CLVS2: variants seen among roughly 807,000 people sequenced by gnomAD.
CLVS2 encodes the protein clavesin 2, also known as clavesin-2.
A neutral mutation model predicts 29.0 loss-of-function variants in CLVS2; 19 were observed. That is an observed-to-expected ratio of 0.66 (90% confidence interval 0.46 to 0.96). CLVS2 has a LOEUF of 0.96. Ranked by LOEUF, CLVS2 falls within the 40% of genes least tolerant of loss-of-function variation. The probability of loss-of-function intolerance (pLI) is 0.00; values close to 1 mark genes in which losing one functional copy is unlikely to be tolerated. For synonymous variants in CLVS2, 161 were observed against 151.3 expected (o/e 1.06, Z -0.47); for missense variants, 294 against 404.1 (o/e 0.73, Z 2.34).
chr6:123,007,526 A>G (rs1271393514), intron 2 of CLVS2, among the ~76,000 whole-genome samples: 1 of 152,190 alleles, frequency 6.6e-6, no homozygotes, highest in Non-Finnish European at 1.5e-5. Context: ...ATAACTGAAA[A>G]ATTTCAAGAG....
At chr6:123,033,323 TA>T (rs1325699649) in intron 3 of CLVS2, among the ~76,000 whole-genome samples, 1 of 152,056 alleles carries the variant, frequency 6.6e-6, no homozygotes, top group East Asian at 1.9e-4. Context: ...GCAGTAATAG[TA>T]TTAGAGAGAT....
intron 2 of CLVS2, among the ~76,000 whole-genome samples, chr6:123,004,691 T>C (rs1774638117): frequency 6.6e-6 from 1 of 152,150 alleles, no homozygotes; most frequent in Non-Finnish European, 1.5e-5. Context: ...GGCGTGTAGA[T>C]CACCTGAGGT....
intron 3 of CLVS2, among the ~76,000 whole-genome samples, chr6:123,033,636 T>A (rs1775112087): frequency 6.6e-6 from 1 of 152,028 alleles, no homozygotes; most frequent in South Asian, 2.1e-4. Flanking sequence ...GCGACAATCT[T>A]TAGGATCTAT....
chr6:123,021,848 AT>A (rs201374934), intron 3 of CLVS2, among the ~76,000 whole-genome samples: 10 of 151,310 alleles, frequency 6.6e-5, no homozygotes, highest in African/African-American at 1.9e-4. Context: ...ATGAGGCCAT[AT>A]TTTTTTTTCC....
chr6:123,056,536 G>T (rs1339262797), intron 5 of CLVS2, among the ~76,000 whole-genome samples: 1 of 152,130 alleles, frequency 6.6e-6, no homozygotes, highest in Non-Finnish European at 1.5e-5. Flanking sequence ...TTAAGGAAAA[G>T]ATAAAGTAAT....
In CLVS2 at chr6:122,996,496, G is replaced by C. The variant is rs530080029; in HGVS notation, c.-810G>C. The C allele has an allele frequency of 6.5e-6, 1 of 152,862 alleles. No individual in the cohort carries two copies. The highest frequency in any genetic ancestry group is 1.5e-5 in the Non-Finnish European group (1 of 68,262). 9.5% of individuals were successfully genotyped at this position (152,862 alleles called of 1,614,324 possible). On this transcript the variant is annotated 5_prime_UTR_variant, in exon 1 of 6. Transcript: ENST00000275162. The stretch of plus-strand genomic sequence containing the variant: ...GGGCCAGGCGAGAACCTGGGACAGC[G>C]GTGGCCCTAGCCCTGCGATCCTCAC...
At chr6:123,030,820 TATATATATATATATAAA>T (rs1389582271) in intron 3 of CLVS2, among the ~76,000 whole-genome samples, 1 of 129,462 alleles carries the variant, frequency 7.7e-6, no homozygotes, top group African/African-American at 2.9e-5. Flanking sequence ...GTAAGGAGAA[TATATATATATATATAAA>T]ATATATATAT....
chr6:123,032,938 T>C (rs142615733), intron 3 of CLVS2, among the ~76,000 whole-genome samples: 207 of 152,238 alleles, frequency 1.4e-3, no homozygotes, highest in African/African-American at 4.6e-3. Flanking sequence ...CAGCAAAGAT[T>C]TTTTGTTGTC....
chr6:123,054,061 TAGAGA>T (rs1003728602), intron 4 of CLVS2, among the ~76,000 whole-genome samples: 2 of 152,062 alleles, frequency 1.3e-5, no homozygotes, highest in African/African-American at 4.8e-5. Context: ...AACAGAGTGT[TAGAGA>T]AGAGAGAGGA....
intron 3 of CLVS2, among the ~76,000 whole-genome samples, 200 bp downstream of exon 3, chr6:123,011,359 A>G (rs886082776): frequency 1.3e-5 from 2 of 152,078 alleles, no homozygotes; most frequent in Non-Finnish European, 2.9e-5. Context: ...TGACACTAGT[A>G]CAGTGCTCCC....
At chr6:123,043,975 T>C (rs1480759488) in intron 3 of CLVS2, among the ~76,000 whole-genome samples, 2 of 152,158 alleles carry the variant, frequency 1.3e-5, no homozygotes, top group African/African-American at 2.4e-5. Context: ...CACACACATA[T>C]AATGATACAT....
chr6:123,054,145 A>G (rs907652753), intron 4 of CLVS2, among the ~76,000 whole-genome samples: 2 of 152,166 alleles, frequency 1.3e-5, no homozygotes, highest in South Asian at 4.1e-4. Flanking sequence ...GAGTTGAAGA[A>G]GATTTCTTAT....
Position 123,070,044 on chromosome 6 carries a change from C to T in CLVS2, c.*6283C>T, listed in dbSNP as rs1049888815. 3 of 151,680 alleles carry T rather than the reference C, an allele frequency of 2.0e-5. No homozygotes were observed. The highest frequency in any genetic ancestry group is 7.3e-5 in the African/African-American group (3 of 41,316). 9.4% of individuals were successfully genotyped at this position (151,680 alleles called of 1,614,324 possible). ...TTGCATGCTGGTTTATAAATTATTA[C>T]CTAAAAGTTTTATGAAATATAATTA... On this transcript the variant is annotated 3_prime_UTR_variant, in exon 6 of 6. Coordinates refer to ENST00000275162, the MANE Select transcript of CLVS2 (RefSeq NM_001010852.4).
rs1772872876 is a variant in CLVS2 at position 123,066,989 on chromosome 6, CA to C, written c.*3230del. 6.6e-6 allele frequency: 1 copy of C among 151,622 alleles called. No individual in the cohort carries two copies. Among genetic ancestry groups the C allele is most frequent in the African/African-American group, 2.4e-5 (1 of 41,384 alleles). 9.4% of individuals were successfully genotyped at this position (151,622 alleles called of 1,614,324 possible). A position where few individuals can be genotyped will look rare whatever the true frequency, so the allele number is the denominator to read the frequency against. On this transcript the variant is annotated 3_prime_UTR_variant, in exon 6 of 6. Transcript: ENST00000275162. ...TATACGAGTATTAAACAGAGTTTTG[CA>C]AGCAAGTTTTTGAAGTGGGCATGCA... is the stretch of plus-strand genomic sequence containing the variant.
chr6:123,057,740 G>A (rs1772714856), intron 5 of CLVS2, among the ~76,000 whole-genome samples: 1 of 152,148 alleles, frequency 6.6e-6, no homozygotes, highest in Non-Finnish European at 1.5e-5. Context: ...ACTCCTTGGA[G>A]AGAACGGAAA....
intron 5 of CLVS2, among the ~76,000 whole-genome samples, chr6:123,063,211 G>A (rs1397016375): frequency 6.6e-6 from 1 of 151,820 alleles, no homozygotes; most frequent in Non-Finnish European, 1.5e-5. Flanking sequence ...GGTCAAAAAA[G>A]GTGCATTCTT....
At chr6:123,024,766 A>G (rs573592924) in intron 3 of CLVS2, among the ~76,000 whole-genome samples, 69 of 152,266 alleles carry the variant, frequency 4.5e-4, no homozygotes, top group African/African-American at 1.6e-3. Flanking sequence ...GCATTTTAAC[A>G]TCAGAAGTAT....
intron 3 of CLVS2, among the ~76,000 whole-genome samples, chr6:123,037,104 C>T (rs143516389): frequency 0.011 from 1,639 of 151,832 alleles, 37 homozygotes; most frequent in African/African-American, 0.037. Context: ...ACATCTCTAC[C>T]GTGGCCTGAG....
intron 3 of CLVS2, among the ~76,000 whole-genome samples, chr6:123,019,436 A>G (rs1408061701): frequency 6.6e-6 from 1 of 152,010 alleles, no homozygotes; most frequent in Non-Finnish European, 1.5e-5. Flanking sequence ...CATCCCTACA[A>G]TTCATTCTAT....
Sources: gnomAD v4.1 joint callset for allele counts (sites outside exome capture counted in the v4.1 genomes callset) on GRCh38, gnomAD v4.1.1 for gene constraint, MANE v1.5 for transcripts, NCBI Gene and HGNC (gene_info 2026-07-23, HGNC 2026-07-21) for gene names.